The following SLC39A13 variants were observed in gnomAD, a reference collection of about 807,000 sequenced individuals.
The protein encoded by SLC39A13 is solute carrier family 39 member 13, also known as zinc transporter ZIP13.
In SLC39A13, 18 loss-of-function variants were observed where a neutral mutation model predicts 38.7. The observed-to-expected ratio is 0.47, with a 90% CI of 0.32 to 0.69. The LOEUF is 0.69. Ranked by LOEUF, SLC39A13 falls within the 30% of genes least tolerant of loss-of-function variation. SLC39A13 has a pLI of 0.03. For synonymous variants in SLC39A13, 212 were observed against 219.1 expected, an observed-to-expected ratio of 0.97 and a Z score of 0.29; for missense variants, 395 against 490.7, an observed-to-expected ratio of 0.80 and a Z score of 1.84.
At position 47,415,171 on chromosome 11, in the gene SLC39A13, G is replaced by T. The variant is rs1350584391; in HGVS notation, c.1040+12G>T. 1.2e-6 allele frequency: 2 copies of T among 1,611,526 alleles called. No homozygotes were observed. The highest frequency in any genetic ancestry group is 1.1e-5 in the South Asian group (1 of 90,820). On this transcript the variant is annotated intron_variant, in intron 9 of 9. Coordinates refer to ENST00000362021, the MANE Select transcript of SLC39A13 (RefSeq NM_001128225.3). ...GAAGAGGACCCGTGGTGAGTGACCT[G>T]TTGGAGGAAGAGGACTGCCACTCAC...
In SLC39A13 at chr11:47,411,960, C is replaced by T. The variant is rs751302246; in HGVS notation, c.336C>T (p.Phe112=). ...GGCGCCTGAAGCAGCTGCTCAGCTT[C>T]GCCCTGGGGGGACTCTTGGGCAATG... ...GAWRLKQLLS[F]ALGGLLGNVF... is the part of the protein sequence containing the mutation. Residue 112 remains phenylalanine, a synonymous_variant, in exon 3 of 10, where the codon TTC becomes TTT. Coordinates refer to ENST00000362021, the MANE Select transcript of SLC39A13 (RefSeq NM_001128225.3). 1.6e-5 allele frequency: 26 copies of T among 1,613,806 alleles called. No homozygotes were observed. Among genetic ancestry groups the T allele is most frequent in the South Asian group, 3.3e-5 (3 of 91,028 alleles).
rs2096004448 is a variant in SLC39A13, at chr11:47,412,452, G to A, written c.522G>A (p.Glu174=). The A allele has an allele frequency of 1.9e-6, 3 of 1,614,204 alleles. No homozygotes were observed. The East Asian group carries it at 6.7e-5, about 36-fold the overall frequency. Reference sequence around the variant, plus strand: ...AGAAGATGTTCCTGGACAGCAAGGAGGAGGGGACCAGCCAGGTGGGCCCCA... The same window carrying A: ...AGAAGATGTTCCTGGACAGCAAGGAAGAGGGGACCAGCCAGGTGGGCCCCA... ...ALEKMFLDSK[E]EGTSQAPNKD... is the part of the protein sequence containing the mutation. Residue 174 remains glutamate, a synonymous_variant, in exon 4 of 10, where the codon GAG becomes GAA. Coordinates refer to ENST00000362021, the MANE Select transcript of SLC39A13 (RefSeq NM_001128225.3).
chr11:47,411,985 G>A lies in SLC39A13; in HGVS notation c.361G>A (p.Val121Met), dbSNP rs201211032. The change falls in exon 3 of 10, where the codon GTG (valine) becomes ATG (methionine). Residue 121 changes from valine (V) to methionine (M), a missense_variant. Coordinates refer to ENST00000362021, the MANE Select transcript of SLC39A13 (RefSeq NM_001128225.3). ...CGCCCTGGGGGGACTCTTGGGCAAT[G>A]TGTTTCTGCATCTGCTGCCCGAAGC... Reference protein sequence around the residue: ...SFALGGLLGNVFLHLLPEAWA... With the variant: ...SFALGGLLGNMFLHLLPEAWA... 2.5e-6 allele frequency: 4 copies of A among 1,613,918 alleles called. No homozygotes were observed. Among genetic ancestry groups the A allele is most frequent in the Non-Finnish European group, 3.4e-6 (4 of 1,179,982 alleles).
Position 47,415,676 on chromosome 11 carries a change from C to A in SLC39A13, c.*313C>A. 2.1e-6 allele frequency: 1 copy of A among 466,650 alleles called. No homozygotes were observed. The highest frequency in any genetic ancestry group is 4.0e-6 in the Non-Finnish European group (1 of 250,498). The allele number at this position is 466,650 out of a possible 1,614,324, so 28.9% of individuals were successfully genotyped here. A position where few individuals can be genotyped will look rare whatever the true frequency, so the allele number is the denominator to read the frequency against. On this transcript the variant is annotated 3_prime_UTR_variant, in exon 10 of 10. Transcript: ENST00000362021. The stretch of plus-strand genomic sequence containing the variant: ...CGGAGTAAGCAGCGAGGAAGAGCAG[C>A]ACTGGTCCCAAGCAGAGGCCTTGCC...
chr11:47,412,197 T>C, intron 3 of SLC39A13, 149 bp from the exon 4 acceptor site: 4 of 1,300,116 alleles, frequency 3.1e-6, no homozygotes, highest in Non-Finnish European at 4.3e-6. Context: ...CTCTGGGCCC[T>C]GGTCCCAGTG....
rs1407678098 is a variant in SLC39A13 at position 47,415,327 on chromosome 11, C to T, written c.1080C>T (p.Ile360=). The change falls in exon 10 of 10, where the codon ATC becomes ATT. Residue 360 remains isoleucine (I), a synonymous_variant. Coordinates refer to ENST00000362021, the MANE Select transcript of SLC39A13 (RefSeq NM_001128225.3). ...AGCTGCTTCTGCTCTGTGCGGGCAT[C>T]GTGGTAATGGTGCTGTTCTCGCTCT... ...LQQLLLLCAG[I]VVMVLFSLFV... 20 of 1,614,092 alleles carry T rather than the reference C, an allele frequency of 1.2e-5. No homozygotes were observed. The highest frequency in any genetic ancestry group is 5.0e-5 in the Admixed American group (3 of 60,024).
Position 47,414,853 on chromosome 11 carries a change from T to C in SLC39A13, c.863T>C (p.Leu288Pro). 2 of 1,612,674 alleles carry C rather than the reference T, an allele frequency of 1.2e-6. No individual in the cohort carries two copies. The highest frequency in any genetic ancestry group is 2.2e-5 in the South Asian group (2 of 91,038). ...SAAKLQLSTA[L>P]GGLLGAGFAI... ...GCCAAGCTGCAACTCTCAACAGCGCTGGGGGGCCTACTGGGCGCTGGCTTC... is the reference window on the plus strand; with the variant it reads ...GCCAAGCTGCAACTCTCAACAGCGCCGGGGGGCCTACTGGGCGCTGGCTTC... Residue 288 changes from leucine (L) to proline (P), a missense_variant, in exon 8 of 10, where the codon CTG becomes CCG. Leu to Pro is a moderately conservative substitution (Grantham distance 98, BLOSUM62 -3). Coordinates refer to ENST00000362021, the MANE Select transcript of SLC39A13 (RefSeq NM_001128225.3).
chr11:47,413,954 T>C (rs1236141342), intron 6 of SLC39A13: 17 of 701,690 alleles, frequency 2.4e-5, no homozygotes, highest in Admixed American at 6.0e-5. Flanking sequence ...CTTCTTCCTC[T>C]ACCTCCTCCC....
intron 2 of SLC39A13, 106 bp downstream of exon 2, chr11:47,410,501 G>A: frequency 7.1e-7 from 1 of 1,407,736 alleles, no homozygotes; most frequent in Non-Finnish European, 9.9e-7. Flanking sequence ...TGGAGGGAGA[G>A]GATAGAATAG....
intron 6 of SLC39A13, chr11:47,413,891 T>C: frequency 1.4e-6 from 1 of 725,026 alleles, no homozygotes; most frequent in East Asian, 2.7e-5. Context: ...CAGTACTCCT[T>C]GTTGGGTGCC....
chr11:47,407,637 G>A (rs1404174134), upstream of SLC39A13: 2 of 152,186 alleles, frequency 1.3e-5, no homozygotes, highest in Admixed American at 1.3e-4. Context: ...TGCTGTTCAG[G>A]ACCTAGACGT....
chr11:47,408,439 C>G (rs1299565068), upstream of SLC39A13: 1 of 151,806 alleles, frequency 6.6e-6, no homozygotes, highest in South Asian at 2.1e-4. Flanking sequence ...GGGTCCCCCA[C>G]CGCCGCGAGG....
Position 47,412,017 on chromosome 11 carries a change from C to T in SLC39A13, c.393C>T (p.Ala131=). The change falls in exon 3 of 10, where the codon GCC becomes GCT. Residue 131 remains alanine, a synonymous_variant. Coordinates refer to ENST00000362021, the MANE Select transcript of SLC39A13 (RefSeq NM_001128225.3). ...TGCATCTGCTGCCCGAAGCCTGGGC[C>T]TACACGTGCAGCGCCAGCCCTGGTA... is the stretch of plus-strand genomic sequence containing the variant. The part of the protein sequence containing the change: ...VFLHLLPEAW[A]YTCSASPGGE... The T allele has an allele frequency of 6.2e-7, 1 of 1,612,462 alleles. No homozygotes were observed. The highest frequency in any genetic ancestry group is 8.5e-7 in the Non-Finnish European group (1 of 1,179,454).
Position 47,415,128 on chromosome 11 carries a change from C to T in SLC39A13, c.1009C>T (p.Leu337Phe). Residue 337 changes from leucine (L) to phenylalanine (F), a missense_variant, in exon 9 of 10, where the codon CTC becomes TTC. Coordinates refer to ENST00000362021, the MANE Select transcript of SLC39A13 (RefSeq NM_001128225.3). The stretch of plus-strand genomic sequence containing the variant: ...TCTCTACATCGCCTTGGTGAACGTG[C>T]TCCCTGACCTCTTGGAAGAAGAGGA... ...GFLYIALVNV[L>F]PDLLEEEDPW... 1 of 1,612,846 alleles carries T rather than the reference C, an allele frequency of 6.2e-7. No homozygotes were observed. Among genetic ancestry groups the T allele is most frequent in the East Asian group, 2.2e-5 (1 of 44,806 alleles).
intron 1 of SLC39A13, 135 bp from the exon 2 acceptor site, chr11:47,409,952 G>T: frequency 1.0e-6 from 1 of 1,000,752 alleles, no homozygotes. Flanking sequence ...GCATTTGGAT[G>T]CTCAGACGCT....
At chr11:47,415,240 C>G in intron 9 of SLC39A13, 48 bp from the exon 10 acceptor site, 1 of 1,613,592 alleles carries the variant, frequency 6.2e-7, no homozygotes, top group South Asian at 1.1e-5. Context: ...TGGCCGCTGC[C>G]TGCTCCCCCT....
chr11:47,413,962 C>CCCTCTGG (rs749045643), intron 6 of SLC39A13: 30 of 699,844 alleles, frequency 4.3e-5, no homozygotes, highest in Middle Eastern at 2.3e-4. Context: ...TCTACCTCCT[C>CCCTCTGG]CCTCTGGCCT....
At chr11:47,414,098 C>T in intron 6 of SLC39A13, 1 of 608,586 alleles carries the variant, frequency 1.6e-6, no homozygotes, top group Non-Finnish European at 2.9e-6. Flanking sequence ...ATCCTTGGGG[C>T]CTCGACTTAC....
At chr11:47,410,520 C>T in intron 2 of SLC39A13, 125 bp downstream of exon 2, 1 of 1,308,192 alleles carries the variant, frequency 7.6e-7, no homozygotes, top group African/African-American at 1.5e-5. Flanking sequence ...AGAACTTCTC[C>T]CCTTGGTCCT....
Sources: allele counts gnomAD v4.1 joint callset, GRCh38; gene constraint gnomAD v4.1.1; transcripts MANE v1.5; gene names NCBI Gene and HGNC (gene_info 2026-07-23, HGNC 2026-07-21).